The following COL22A1 variants were observed in gnomAD, a reference collection of about 807,000 sequenced individuals.
COL22A1 encodes the protein collagen alpha-1(XXII) chain.
COL22A1 carries 221 observed loss-of-function variants against 248.9 expected under a neutral mutation model. The observed-to-expected ratio is 0.89, with a 90% CI of 0.80 to 0.99. COL22A1 has a LOEUF of 0.99. COL22A1 is among the 50% of genes least tolerant of loss of function. The pLI, the probability that COL22A1 is intolerant of heterozygous loss-of-function variation, is 0.00. For synonymous variants in COL22A1, 891 were observed against 793.4 expected (o/e 1.12, Z -2.07); for missense variants, 2,240 against 2,179.0 (o/e 1.03, Z -0.56).
rs532712715 is a variant in COL22A1, at chr8:138,780,625, G to A, written c.1650+302C>T. Reference sequence around the variant, plus strand: ...GGGTCTTAAGCAAATCCATTGCCTCGCTGGGGCTAGTTCCAAGTCTAGGCA... The same window carrying A: ...GGGTCTTAAGCAAATCCATTGCCTCACTGGGGCTAGTTCCAAGTCTAGGCA... On this transcript the variant is annotated intron_variant, in intron 13 of 64. Coordinates refer to ENST00000303045, the MANE Select transcript of COL22A1 (RefSeq NM_152888.3). Among the ~76,000 whole-genome samples, 442 of 152,246 alleles carry A rather than the reference G, an allele frequency of 2.9e-3. 2 individuals are homozygous for A. The highest frequency in any genetic ancestry group is 0.01 in the African/African-American group (419 of 41,530).
At chr8:138,677,852 A>ACGGC (rs1282005565) in intron 40 of COL22A1, among the ~76,000 whole-genome samples, 2 of 152,234 alleles carry the variant, frequency 1.3e-5, no homozygotes, top group Non-Finnish European at 2.9e-5. Context: ...TGAGGCCAAG[A>ACGGC]CGGCAGGTGA....
chr8:138,613,037 A>C (rs892685124), intron 56 of COL22A1, among the ~76,000 whole-genome samples: 4 of 151,034 alleles, frequency 2.6e-5, no homozygotes, highest in African/African-American at 9.7e-5. Flanking sequence ...TTATGAGGTC[A>C]GGAGATAGAG....
chr8:138,841,716 A>G lies in COL22A1; in HGVS notation c.733+2368T>C, dbSNP rs116408892. Among the ~76,000 whole-genome samples, 867 of 152,274 alleles carry G rather than the reference A, an allele frequency of 5.7e-3. 8 individuals carry two copies. Among genetic ancestry groups the G allele is most frequent in the African/African-American group, 0.019 (771 of 41,534 alleles). ...GGGAAGAGGGCAGTGCTGGAGGTTGACATGCTGATTAGAGATGCTACAAAA... is the reference window on the plus strand; with the variant it reads ...GGGAAGAGGGCAGTGCTGGAGGTTGGCATGCTGATTAGAGATGCTACAAAA... On this transcript the variant is annotated intron_variant, in intron 4 of 64. Transcript: ENST00000303045.
At chr8:138,783,117 C>A (rs995663115) in intron 12 of COL22A1, among the ~76,000 whole-genome samples, 1 of 152,038 alleles carries the variant, frequency 6.6e-6, no homozygotes, top group African/African-American at 2.4e-5. Context: ...AGCAAGGAAG[C>A]CTAGCAAGCA....
chr8:138,607,482 T>C (rs1218087348), intron 57 of COL22A1, among the ~76,000 whole-genome samples: 1 of 152,098 alleles, frequency 6.6e-6, no homozygotes, highest in Non-Finnish European at 1.5e-5. Context: ...CTCTCTCTAC[T>C]GCCTGCCCAT....
chr8:138,671,333 C>T (rs905443972), intron 41 of COL22A1, among the ~76,000 whole-genome samples: 1 of 152,148 alleles, frequency 6.6e-6, no homozygotes, highest in African/African-American at 2.4e-5. Context: ...CCATACATGG[C>T]ACCGTGGCTG....
At chr8:138,808,907 T>C (rs914614762) in intron 9 of COL22A1, among the ~76,000 whole-genome samples, 3 of 152,236 alleles carry the variant, frequency 2.0e-5, no homozygotes, top group Admixed American at 2.0e-4. Context: ...TGTTTGCTTA[T>C]AGAGATGCAA....
At chr8:138,735,799 C>T (rs1831061546) in intron 23 of COL22A1, among the ~76,000 whole-genome samples, 1 of 152,214 alleles carries the variant, frequency 6.6e-6, no homozygotes, top group South Asian at 2.1e-4. Context: ...TGCCATCTTT[C>T]ACTAGAGTGC....
At chr8:138,880,524 CAT>C (rs1824118071) in intron 2 of COL22A1, among the ~76,000 whole-genome samples, 1 of 152,216 alleles carries the variant, frequency 6.6e-6, no homozygotes, top group Non-Finnish European at 1.5e-5. Flanking sequence ...AATTTACACA[CAT>C]ACTCCCACAA....
At chr8:138,615,347 A>C (rs1819222538) in intron 55 of COL22A1, among the ~76,000 whole-genome samples, 1 of 152,088 alleles carries the variant, frequency 6.6e-6, no homozygotes, top group Admixed American at 6.5e-5. Flanking sequence ...CCTGACCAAC[A>C]AGGTGAAACT....
chr8:138,877,054 T>C (rs1484547231), intron 3 of COL22A1, among the ~76,000 whole-genome samples: 1 of 152,074 alleles, frequency 6.6e-6, no homozygotes, highest in Non-Finnish European at 1.5e-5. Flanking sequence ...CCCCACTAAA[T>C]CCTGGAGGTC....
chr8:138,661,172 GA>G (rs758977691), intron 43 of COL22A1, among the ~76,000 whole-genome samples: 1 of 152,044 alleles, frequency 6.6e-6, no homozygotes, highest in Non-Finnish European at 1.5e-5. Context: ...GAATGGCTTT[GA>G]AAACTAGAAA....
chr8:138,849,322 C>T (rs1019601579), intron 3 of COL22A1, among the ~76,000 whole-genome samples: 3 of 152,224 alleles, frequency 2.0e-5, no homozygotes, highest in Non-Finnish European at 4.4e-5. Flanking sequence ...TGCTGTGCAC[C>T]AGACGCTGTT....
At chr8:138,709,136 C>A (rs1828734419) in intron 30 of COL22A1, among the ~76,000 whole-genome samples, 1 of 152,138 alleles carries the variant, frequency 6.6e-6, no homozygotes, top group Non-Finnish European at 1.5e-5. Context: ...AGTCAGGAAA[C>A]AACAGGTGCT....
intron 3 of COL22A1, among the ~76,000 whole-genome samples, chr8:138,846,638 T>C (rs552384956): frequency 6.6e-6 from 1 of 152,208 alleles, no homozygotes; most frequent in South Asian, 2.1e-4. Flanking sequence ...GTCCTCAGGG[T>C]CCACCTGCTT....
At chr8:138,716,726 G>T (rs1038085338) in intron 28 of COL22A1, 99 bp downstream of exon 28, 23 of 899,778 alleles carry the variant, frequency 2.6e-5, no homozygotes, top group Non-Finnish European at 4.1e-5. Context: ...CAAAAACCAG[G>T]ATTAATTCCT....
intron 12 of COL22A1, among the ~76,000 whole-genome samples, chr8:138,784,680 T>G (rs554316790): frequency 2.0e-5 from 3 of 152,300 alleles, no homozygotes; most frequent in African/African-American, 7.2e-5. Context: ...GAGGATAGTT[T>G]ATCTATTATT....
intron 1 of COL22A1, among the ~76,000 whole-genome samples, chr8:138,913,398 TAAGTC>T (rs887653615): frequency 1.8e-4 from 27 of 152,306 alleles, no homozygotes; most frequent in Admixed American, 1.4e-3. Flanking sequence ...ACTCTGAAGT[TAAGTC>T]AAGACACAGA....
chr8:138,871,143 G>A lies in COL22A1; in HGVS notation c.658+6607C>T, dbSNP rs189029800. 4.0e-3 allele frequency among the ~76,000 whole-genome samples: 603 copies of A among 152,198 alleles called. 5 individuals are homozygous for A. The highest frequency in any genetic ancestry group is 0.014 in the African/African-American group (565 of 41,498). ...GCCTAGAATTTCCCAGGCCAGACACGCCACCCAGACTTGCCAACAGCCAGC... is the reference window on the plus strand; with the variant it reads ...GCCTAGAATTTCCCAGGCCAGACACACCACCCAGACTTGCCAACAGCCAGC... On this transcript the variant is annotated intron_variant, in intron 3 of 64. Coordinates refer to ENST00000303045, the MANE Select transcript of COL22A1 (RefSeq NM_152888.3).
Sources: allele counts gnomAD v4.1 joint callset (sites outside exome capture counted in the v4.1 genomes callset), GRCh38; gene constraint gnomAD v4.1.1; transcripts MANE v1.5; gene names NCBI Gene and HGNC (gene_info 2026-07-23, HGNC 2026-07-21).